SH3KBP1: variants seen among roughly 807,000 people sequenced by gnomAD.
The protein encoded by SH3KBP1 is SH3 domain containing kinase binding protein 1.
SH3KBP1 carries 8 observed loss-of-function variants against 50.1 expected under a neutral mutation model. The ratio of observed to expected loss-of-function variants is 0.16; its 90% confidence interval spans 0.09 to 0.29. The LOEUF (loss-of-function observed/expected upper bound fraction) is 0.29, where lower values mean the gene tolerates loss of function less well. Among genes scored for constraint, SH3KBP1 ranks in the 10% least tolerant of loss-of-function variants. The pLI, the probability that SH3KBP1 is intolerant of heterozygous loss-of-function variation, is 1.00. For missense variants in SH3KBP1, 377 were observed against 535.2 expected, an observed-to-expected ratio of 0.70 and a Z score of 2.92; for synonymous variants, 227 against 218.6, an observed-to-expected ratio of 1.04 and a Z score of -0.34.
chrX:19,832,424 TA>T (rs1469500842), intron 2 of SH3KBP1, among the ~76,000 whole-genome samples: 1 of 111,661 alleles, frequency 9.0e-6, no homozygotes, highest in Non-Finnish European at 1.9e-5. Flanking sequence ...CGAATTAGGG[TA>T]ATCTCAAGTG....
At chrX:19,661,568 T>TTA (rs1437470075) in intron 6 of SH3KBP1, among the ~76,000 whole-genome samples, 2 of 110,167 alleles carry the variant, frequency 1.8e-5, no homozygotes, top group African/African-American at 6.6e-5. Context: ...TTTTTTTTTT[T>TTA]TACTTTTAAT....
At chrX:19,569,630 G>A (rs1440407195) in intron 12 of SH3KBP1, among the ~76,000 whole-genome samples, 1 of 112,274 alleles carries the variant, frequency 8.9e-6, no homozygotes, top group Non-Finnish European at 1.9e-5. Flanking sequence ...TTCTGGCCTG[G>A]GGTTGTGGCA....
At chrX:19,832,204 C>T (rs965355713) in intron 2 of SH3KBP1, among the ~76,000 whole-genome samples, 16 of 111,969 alleles carry the variant, frequency 1.4e-4, no homozygotes, top group Admixed American at 2.8e-4. Flanking sequence ...GGAAGTGCTC[C>T]GGCTGAAACT....
intron 5 of SH3KBP1, among the ~76,000 whole-genome samples, chrX:19,689,657 G>A (rs1382420588): frequency 8.9e-6 from 1 of 112,199 alleles, no homozygotes; most frequent in Non-Finnish European, 1.9e-5. Flanking sequence ...TTATGAATAT[G>A]AGTGACGTTG....
intron 2 of SH3KBP1, among the ~76,000 whole-genome samples, chrX:19,760,041 C>CCTCTCCCTCTCCCTCTCTCTCTCTCT (rs1556346157): frequency 1.2e-4 from 6 of 50,447 alleles, no homozygotes; most frequent in African/African-American, 5.6e-4. Context: ...TCTCTCTCTC[C>CCTCTCCCTCTCCCTCTCTCTCTCTCT]CTCTCTCTCT....
chrX:19,841,391 G>C (rs910967114), intron 1 of SH3KBP1, among the ~76,000 whole-genome samples: 1 of 112,419 alleles, frequency 8.9e-6, no homozygotes, highest in African/African-American at 3.2e-5. Context: ...AAACCAGAAA[G>C]CATGAAGGAG....
intron 9 of SH3KBP1, among the ~76,000 whole-genome samples, chrX:19,605,782 G>A (rs2067226354): frequency 8.9e-6 from 1 of 111,742 alleles, no homozygotes; most frequent in African/African-American, 3.3e-5. Flanking sequence ...TACTGAATGA[G>A]TGAATGAAAA....
At chrX:19,776,540 T>G (rs891816659) in intron 2 of SH3KBP1, among the ~76,000 whole-genome samples, 1 of 81,593 alleles carries the variant, frequency 1.2e-5, no homozygotes, top group Non-Finnish European at 2.4e-5. Flanking sequence ...TGGTTTTTTT[T>G]TTTTTTTTTT....
chrX:19,676,297 T>C (rs1284577428), intron 6 of SH3KBP1, among the ~76,000 whole-genome samples: 1 of 110,265 alleles, frequency 9.1e-6, no homozygotes, highest in Non-Finnish European at 1.9e-5. Flanking sequence ...TGTTTTAATT[T>C]TATATGATTA....
intron 7 of SH3KBP1, among the ~76,000 whole-genome samples, chrX:19,635,104 T>C (rs750439164): frequency 8.9e-6 from 1 of 112,149 alleles, no homozygotes; most frequent in Non-Finnish European, 1.9e-5. Context: ...CTTTAATTTA[T>C]TATGACATAT....
chrX:19,713,326 G>A (rs1343906418), intron 3 of SH3KBP1, among the ~76,000 whole-genome samples: 2 of 109,847 alleles, frequency 1.8e-5, no homozygotes, highest in Non-Finnish European at 3.8e-5. Context: ...ACAGTGGTGT[G>A]ATCTTGGCTC....
intron 3 of SH3KBP1, 109 bp downstream of exon 3, chrX:19,746,209 G>T: frequency 1.0e-6 from 1 of 967,827 alleles, no homozygotes; most frequent in South Asian, 2.2e-5. Context: ...AAAACCAAAA[G>T]GACAAACTCT....
intron 6 of SH3KBP1, among the ~76,000 whole-genome samples, chrX:19,675,425 T>C (rs942068444): frequency 6.4e-5 from 7 of 108,716 alleles, no homozygotes; most frequent in East Asian, 2.9e-4. Context: ...TTTTTTTTTT[T>C]CCAGAGTCTC....
chrX:19,616,002 C>T lies in SH3KBP1; in HGVS notation c.898-7957G>A, dbSNP rs932737992. 2.8e-5 allele frequency among the ~76,000 whole-genome samples: 3 copies of T among 108,828 alleles called. No homozygotes were observed. In the Admixed American group the frequency reaches 3.0e-4, roughly 11 times the overall value. The allele number at this position is 108,828 out of a possible 115,157, so 94.5% of individuals were successfully genotyped here. On this transcript the variant is annotated intron_variant, in intron 8 of 17. Coordinates refer to ENST00000397821, the MANE Select transcript of SH3KBP1 (RefSeq NM_031892.3). ...ATTCCAAAGTAGAGCCATTGTTGAA[C>T]GTCTTTATACAGAAGGATAAATACA...
At chrX:19,806,059 C>A (rs1338049561) in intron 2 of SH3KBP1, among the ~76,000 whole-genome samples, 1 of 111,765 alleles carries the variant, frequency 8.9e-6, no homozygotes, top group Non-Finnish European at 1.9e-5. Flanking sequence ...AAAACAAAAA[C>A]CAATGGATAC....
At chrX:19,846,986 G>A (rs905678720) in intron 1 of SH3KBP1, among the ~76,000 whole-genome samples, 33 of 111,581 alleles carry the variant, frequency 3.0e-4, no homozygotes, top group African/African-American at 1.0e-3. Context: ...ATTTCAGTGT[G>A]GCTAAGCTGA....
At chrX:19,601,061 T>C (rs1602621170) in intron 9 of SH3KBP1, among the ~76,000 whole-genome samples, 1 of 111,559 alleles carries the variant, frequency 9.0e-6, no homozygotes, top group East Asian at 2.8e-4. Context: ...ACCCACATTT[T>C]CTGATTTCTG....
At chrX:19,748,142 G>A (rs1052794833) in intron 2 of SH3KBP1, among the ~76,000 whole-genome samples, 5 of 112,112 alleles carry the variant, frequency 4.5e-5, no homozygotes, top group Middle Eastern at 4.6e-3. Context: ...ATTTTCCATC[G>A]CAGTGTGGGT....
chrX:19,732,846 C>G (rs1010089548), intron 3 of SH3KBP1, among the ~76,000 whole-genome samples: 1 of 111,496 alleles, frequency 9.0e-6, no homozygotes, highest in African/African-American at 3.3e-5. Context: ...AATTCCTCTA[C>G]GTACCAGCAA....
Sources: allele counts gnomAD v4.1 joint callset (sites outside exome capture counted in the v4.1 genomes callset), GRCh38; gene constraint gnomAD v4.1.1; transcripts MANE v1.5; gene names NCBI Gene and HGNC (gene_info 2026-07-23, HGNC 2026-07-21).